Variants in TDRD12 observed in about 807,000 individuals in gnomAD.
TDRD12 encodes the protein tudor domain containing 12, also known as putative ATP-dependent RNA helicase TDRD12.
TDRD12 carries 158 observed loss-of-function variants against 133.5 expected under a neutral mutation model. The observed-to-expected ratio is 1.18, with a 90% CI of 1.04 to 1.35. The LOEUF is 1.35. Ranked by LOEUF, TDRD12 falls within the 40% of genes most tolerant of loss-of-function variation. The pLI, the probability that TDRD12 is intolerant of heterozygous loss-of-function variation, is 0.00. For missense variants in TDRD12, 1,443 were observed against 1,321.3 expected, an observed-to-expected ratio of 1.09 and a Z score of -1.43; for synonymous variants, 460 against 477.9, an observed-to-expected ratio of 0.96 and a Z score of 0.49.
At chr19:32,821,420 C>A (rs563087028), downstream of TDRD12, among the ~76,000 whole-genome samples, 21 of 146,568 alleles carry the variant, frequency 1.4e-4, no homozygotes, top group South Asian at 4.4e-3. Flanking sequence ...GCGTGTGAAC[C>A]ACACCCACAT....
At chr19:32,750,097 T>C (rs1969780206) in intron 6 of TDRD12, among the ~76,000 whole-genome samples, 1 of 152,168 alleles carries the variant, frequency 6.6e-6, no homozygotes. Flanking sequence ...AAATTATTCC[T>C]ATAGTGATGA....
At position 32,745,534 on chromosome 19, in the gene TDRD12, T is replaced by G. The variant is rs182996430; in HGVS notation, c.440+2634T>G. Reference sequence around the variant, plus strand: ...ATTGAATATCGTTAGACTTTCTAATTTCTGCTTGTTTGCTCAGTAAAAATG... The same window carrying G: ...ATTGAATATCGTTAGACTTTCTAATGTCTGCTTGTTTGCTCAGTAAAAATG... On this transcript the variant is annotated intron_variant, in intron 4 of 27. Transcript: ENST00000444215. 2.0e-4 allele frequency among the ~76,000 whole-genome samples: 30 copies of G among 152,354 alleles called. No individual in the cohort carries two copies. In the East Asian group the frequency reaches 2.5e-3, roughly 13 times the overall value.
intron 7 of TDRD12, 84 bp downstream of exon 7, chr19:32,756,265 TC>T: frequency 8.5e-7 from 1 of 1,174,570 alleles, no homozygotes; most frequent in Non-Finnish European, 1.1e-6. Flanking sequence ...TACAGACTTT[TC>T]CCCACATGGA....
rs1188705796 is a variant in TDRD12 at position 32,755,990 on chromosome 19, AG to A, written c.583del. ...AGTCATGAAATGTTTAAAATTTTAC[AG>A]GTTTGTGTTAATGATGATCTTGTTG... On this transcript the variant is annotated splice_acceptor_variant, in intron 6 of 27. Coordinates refer to ENST00000444215, the Ensembl canonical transcript of TDRD12. LOFTEE classifies it high-confidence loss of function. The A allele has an allele frequency of 6.9e-7, 1 of 1,450,890 alleles. No homozygotes were observed. Among genetic ancestry groups the A allele is most frequent in the Non-Finnish European group, 9.0e-7 (1 of 1,108,776 alleles). The allele number at this position is 1,450,890 out of a possible 1,614,324, so 89.9% of individuals were successfully genotyped here. A position where few individuals can be genotyped will look rare whatever the true frequency, so the allele number is the denominator to read the frequency against.
At chr19:32,729,716 G>A (rs1021343073) in intron 1 of TDRD12, among the ~76,000 whole-genome samples, 20 of 147,830 alleles carry the variant, frequency 1.4e-4, no homozygotes, top group African/African-American at 3.0e-4. Flanking sequence ...TTAAGTCCTC[G>A]CCTGTTAATT....
At position 32,776,745 on chromosome 19, in the gene TDRD12, G is replaced by A. The variant is rs546900402; in HGVS notation, c.1041-404G>A. Among the ~76,000 whole-genome samples the A allele has an allele frequency of 3.9e-5, 6 of 152,294 alleles. No individual in the cohort carries two copies. The South Asian group carries it at 1.2e-3, about 32-fold the overall frequency. On this transcript the variant is annotated intron_variant, in intron 10 of 27. Coordinates refer to ENST00000444215, the Ensembl canonical transcript of TDRD12. The stretch of plus-strand genomic sequence containing the variant: ...TCCAGCACCACCACCAGAAGTGTCA[G>A]AAATGACTTTTATACTTAAAGGACT...
intron 8 of TDRD12, among the ~76,000 whole-genome samples, chr19:32,771,681 T>G (rs1209749570): frequency 6.6e-6 from 1 of 152,082 alleles, no homozygotes; most frequent in African/African-American, 2.4e-5. Flanking sequence ...AACATTTCTC[T>G]CTTGGCGAAT....
chr19:32,762,212 G>C (rs1339104246), intron 8 of TDRD12, among the ~76,000 whole-genome samples: 1 of 152,184 alleles, frequency 6.6e-6, no homozygotes, highest in East Asian at 1.9e-4. Flanking sequence ...CTGATCAGTT[G>C]CTTCTTTCAT....
intron 6 of TDRD12, among the ~76,000 whole-genome samples, chr19:32,753,468 G>A (rs188359530): frequency 1.3e-5 from 2 of 151,940 alleles, no homozygotes; most frequent in Non-Finnish European, 2.9e-5. Flanking sequence ...CTCTCAAGTA[G>A]TTGGGACTAT....
chr19:32,743,982 C>T (rs1046929396), intron 4 of TDRD12, among the ~76,000 whole-genome samples: 9 of 148,600 alleles, frequency 6.1e-5, no homozygotes, highest in Non-Finnish European at 3.0e-5. Context: ...GAGCCGAAAT[C>T]GCACCACTGC....
At chr19:32,743,732 A>G (rs1969505709) in intron 4 of TDRD12, among the ~76,000 whole-genome samples, 2 of 151,992 alleles carry the variant, frequency 1.3e-5, no homozygotes, top group African/African-American at 4.8e-5. Flanking sequence ...GAATTAACTT[A>G]AGAATATGTG....
rs552155461 is a variant in TDRD12 at position 32,800,789 on chromosome 19, A to G, written c.2079+17A>G. On this transcript the variant is annotated intron_variant, in intron 18 of 27. Coordinates refer to ENST00000444215, the Ensembl canonical transcript of TDRD12. The stretch of plus-strand genomic sequence containing the variant: ...GTGTGTAAGGTGAGTCCATCTCCAT[A>G]TAAAAAATGTTCTGTTTGTTTCAAC... The G allele has an allele frequency of 7.3e-6, 11 of 1,504,278 alleles. No homozygotes were observed. The East Asian group carries it at 2.5e-4, about 34-fold the overall frequency. 93.2% of individuals were successfully genotyped at this position (1,504,278 alleles called of 1,614,324 possible).
rs1286555144 is a variant in TDRD12 at position 32,798,531 on chromosome 19, A to G, written c.1758+96A>G. 4.8e-6 allele frequency: 5 copies of G among 1,036,216 alleles called. No individual in the cohort carries two copies. In the Admixed American group the frequency reaches 9.5e-5, roughly 20 times the overall value. The allele number at this position is 1,036,216 out of a possible 1,614,324, so 64.2% of individuals were successfully genotyped here. A position where few individuals can be genotyped will look rare whatever the true frequency, so the allele number is the denominator to read the frequency against. On this transcript the variant is annotated intron_variant, in intron 16 of 27. Transcript: ENST00000444215. The stretch of plus-strand genomic sequence containing the variant: ...GAGGAAAAGTGTCTGGTTGGGGAAT[A>G]CATTGGTTAATCTAAAAAAATTTTA...
chr19:32,795,059 G>A (rs543168676), intron 14 of TDRD12, among the ~76,000 whole-genome samples: 39 of 152,278 alleles, frequency 2.6e-4, no homozygotes, highest in African/African-American at 8.9e-4. Flanking sequence ...TGGAGGCCAG[G>A]CACGGTGGCT....
At chr19:32,802,922 G>C in exon 21 of TDRD12, 1 of 1,533,664 alleles carries the variant, frequency 6.5e-7, no homozygotes. Flanking sequence ...CAATTTTCAG[G>C]GTTCTCCTGC....
chr19:32,779,225 C>G (rs1970692410), intron 11 of TDRD12, among the ~76,000 whole-genome samples: 2 of 152,194 alleles, frequency 1.3e-5, no homozygotes, highest in African/African-American at 4.8e-5. Flanking sequence ...ACAATGTGGG[C>G]AGAGGGGCAC....
chr19:32,803,601 G>A (rs1041699015), intron 21 of TDRD12, among the ~76,000 whole-genome samples: 2 of 152,270 alleles, frequency 1.3e-5, no homozygotes, highest in African/African-American at 2.4e-5. Flanking sequence ...AAATGTGTAC[G>A]CATTTCTCTT....
chr19:32,821,863 G>A (rs998735879), downstream of TDRD12, among the ~76,000 whole-genome samples: 1 of 152,224 alleles, frequency 6.6e-6, no homozygotes, highest in Middle Eastern at 3.2e-3. Context: ...AGGAGCTGGC[G>A]TTAATAGAGT....
chr19:32,739,144 G>T (rs1969315097), intron 3 of TDRD12, among the ~76,000 whole-genome samples, 152 bp downstream of exon 3: 1 of 152,192 alleles, frequency 6.6e-6, no homozygotes, highest in South Asian at 2.1e-4. Context: ...GTGCTTTCTG[G>T]GTTTCAGGTC....
Sources: gnomAD v4.1 joint callset for allele counts (sites outside exome capture counted in the v4.1 genomes callset) on GRCh38, gnomAD v4.1.1 for gene constraint, MANE v1.5 for transcripts, NCBI Gene and HGNC (gene_info 2026-07-23, HGNC 2026-07-21) for gene names.